The following NCKAP5 variants were observed in gnomAD, a reference collection of about 807,000 sequenced individuals.
NCKAP5 encodes nck-associated protein 5.
NCKAP5 carries 92 observed loss-of-function variants against 167.0 expected under a neutral mutation model. The ratio of observed to expected loss-of-function variants is 0.55; its 90% confidence interval spans 0.47 to 0.66. The LOEUF (loss-of-function observed/expected upper bound fraction) is 0.66. Among genes scored for constraint, NCKAP5 ranks in the 30% least tolerant of loss-of-function variants. The probability of loss-of-function intolerance (pLI) is 0.00; values close to 1 mark genes in which losing one functional copy is unlikely to be tolerated. For missense variants in NCKAP5, 2,378 were observed against 2,315.0 expected (o/e 1.03, Z -0.56); for synonymous variants, 891 against 877.4 (o/e 1.02, Z -0.27).
At chr2:133,255,545 A>G (rs2088574358) in intron 4 of NCKAP5, among the ~76,000 whole-genome samples, 1 of 152,162 alleles carries the variant, frequency 6.6e-6, no homozygotes, top group African/African-American at 2.4e-5. Flanking sequence ...CAGTCCTGAC[A>G]CAGACAAACA....
chr2:133,637,476 C>A, the NCKAP5 span, among the ~76,000 whole-genome samples: 184 of 31,692 alleles, frequency 5.8e-3, no homozygotes, highest in East Asian at 8.4e-3. Flanking sequence ...TGGTATTTTC[C>A]AAAAAAAAAA....
intron 5 of NCKAP5, among the ~76,000 whole-genome samples, chr2:133,199,878 A>G (rs547896818): frequency 9.9e-5 from 15 of 152,066 alleles, no homozygotes; most frequent in Admixed American, 3.3e-4. Flanking sequence ...GGAAGGAACT[A>G]CTTACTAATT....
chr2:132,793,620 A>C (rs1324734817), intron 12 of NCKAP5, among the ~76,000 whole-genome samples: 1 of 152,230 alleles, frequency 6.6e-6, no homozygotes, highest in Non-Finnish European at 1.5e-5. Flanking sequence ...TCAGTCTCTT[A>C]TGTGAGTTCC....
Position 133,258,639 on chromosome 2 carries a change from G to T in NCKAP5, c.143+44398C>A, listed in dbSNP as rs185082527. ...GCATGCCTATAGTCGCAGCTACTAG[G>T]GAGGCTGAGGTGGGAGGAATACTTG... is the stretch of plus-strand genomic sequence containing the variant. On this transcript the variant is annotated intron_variant, in intron 4 of 19. Coordinates refer to ENST00000409261, the MANE Select transcript of NCKAP5 (RefSeq NM_207363.3). Among the ~76,000 whole-genome samples the T allele has an allele frequency of 1.8e-3, 272 of 152,128 alleles. 1 individual carries two copies. Among genetic ancestry groups the T allele is most frequent in the African/African-American group, 6.3e-3 (260 of 41,506 alleles).
At chr2:133,051,664 A>C (rs780804470) in intron 6 of NCKAP5, among the ~76,000 whole-genome samples, 2 of 152,192 alleles carry the variant, frequency 1.3e-5, no homozygotes, top group African/African-American at 2.4e-5. Context: ...AAAATAACCA[A>C]TAATTTATTT....
chr2:133,043,577 T>C (rs1198300295), intron 6 of NCKAP5, among the ~76,000 whole-genome samples: 4 of 152,174 alleles, frequency 2.6e-5, no homozygotes, highest in Non-Finnish European at 5.9e-5. Flanking sequence ...AAATTTGTAC[T>C]GGGCCATATT....
chr2:133,219,908 C>A (rs1465780864), intron 4 of NCKAP5, among the ~76,000 whole-genome samples: 1 of 152,046 alleles, frequency 6.6e-6, no homozygotes, highest in African/African-American at 2.4e-5. Flanking sequence ...ATGGCCCTGT[C>A]TTTTTCACAG....
intron 3 of NCKAP5, among the ~76,000 whole-genome samples, chr2:133,499,400 G>C (rs1008975197): frequency 2.6e-5 from 4 of 152,154 alleles, no homozygotes; most frequent in Admixed American, 2.6e-4. Flanking sequence ...GCACAAACTA[G>C]ATGGAACATC....
At chr2:132,800,955 G>C (rs1040929275) in intron 11 of NCKAP5, among the ~76,000 whole-genome samples, 3 of 152,152 alleles carry the variant, frequency 2.0e-5, no homozygotes, top group Non-Finnish European at 2.9e-5. Flanking sequence ...TCTTCTTTCT[G>C]GGGGCACGGC....
In NCKAP5 at chr2:132,781,143, G is replaced by C. The variant is rs755251303; in HGVS notation, c.4958C>G (p.Ser1653Cys). The change falls in exon 15 of 20, where the codon TCC (serine) becomes TGC (cysteine). Residue 1653 changes from serine (S) to cysteine (C), a missense_variant. Physicochemically the swap from Ser to Cys is moderately radical, Grantham distance 112 (BLOSUM62 -1). Transcript: ENST00000409261. ...RNVLKGSSQG[S>C]CLIGSSISTQ... The stretch of plus-strand genomic sequence containing the variant: ...ACTGATAGAGCTGCCGATGAGACAG[G>C]AGCCCTGAGAACTGCCCTTTAACAC... 6.2e-7 allele frequency: 1 copy of C among 1,613,884 alleles called. No homozygotes were observed. Among genetic ancestry groups the C allele is most frequent in the South Asian group, 1.1e-5 (1 of 91,062 alleles).
chr2:133,178,918 C>T lies in NCKAP5; in HGVS notation c.207+34798G>A, dbSNP rs189404811. On this transcript the variant is annotated intron_variant, in intron 5 of 19. Transcript: ENST00000409261. The stretch of plus-strand genomic sequence containing the variant: ...TGGTAGCTCATTCCTTTAATCCCAA[C>T]ACTTTGAGAGGCTAAGGCAGGTGGA... 4.0e-5 allele frequency among the ~76,000 whole-genome samples: 6 copies of T among 150,346 alleles called. No homozygotes were observed. The East Asian group carries it at 9.8e-4, about 25-fold the overall frequency.
intron 3 of NCKAP5, among the ~76,000 whole-genome samples, chr2:133,490,260 G>T (rs535540869): frequency 1.3e-5 from 2 of 152,306 alleles, no homozygotes; most frequent in East Asian, 3.9e-4. Context: ...CTGGTCCCCA[G>T]CCAGGCCAAG....
chr2:133,524,499 G>A (rs72990486), intron 2 of NCKAP5, among the ~76,000 whole-genome samples: 15,714 of 152,082 alleles, frequency 0.1, 1,357 homozygotes, highest in African/African-American at 0.24. Context: ...GTTAATGTAC[G>A]TATATCATAA....
chr2:133,033,664 T>C (rs1006295029), intron 6 of NCKAP5, among the ~76,000 whole-genome samples: 7 of 151,942 alleles, frequency 4.6e-5, no homozygotes, highest in Admixed American at 3.3e-4. Flanking sequence ...AGCAAAGAGA[T>C]TGAAATAATT....
chr2:132,688,316 AC>A (rs1334949392), intron 19 of NCKAP5, among the ~76,000 whole-genome samples: 1 of 152,236 alleles, frequency 6.6e-6, no homozygotes, highest in Non-Finnish European at 1.5e-5. Context: ...TTTAGAATTT[AC>A]ATATTTATTA....
At chr2:133,135,355 G>C (rs967759195) in intron 5 of NCKAP5, among the ~76,000 whole-genome samples, 1 of 148,596 alleles carries the variant, frequency 6.7e-6, no homozygotes, top group African/African-American at 2.5e-5. Flanking sequence ...GCCCAGTGTG[G>C]CTGGAAGCTG....
the NCKAP5 span, among the ~76,000 whole-genome samples, chr2:133,616,889 T>G: frequency 9.2e-5 from 14 of 152,330 alleles, no homozygotes; most frequent in African/African-American, 3.1e-4. Context: ...TGAACCTTGA[T>G]GTGAAAATCC....
intron 4 of NCKAP5, among the ~76,000 whole-genome samples, chr2:133,272,219 CA>C (rs2089545368): frequency 6.7e-6 from 1 of 148,686 alleles, no homozygotes; most frequent in African/African-American, 2.5e-5. Flanking sequence ...TCAAAGTACC[CA>C]AACAAAACAG....
intron 19 of NCKAP5, among the ~76,000 whole-genome samples, chr2:132,724,058 T>C (rs1355433790): frequency 6.6e-6 from 1 of 152,176 alleles, no homozygotes; most frequent in Admixed American, 6.5e-5. Context: ...CAGAGCTTGC[T>C]CTGCCTCAAG....
Sources: gnomAD v4.1 joint callset for allele counts (sites outside exome capture counted in the v4.1 genomes callset) on GRCh38, gnomAD v4.1.1 for gene constraint, MANE v1.5 for transcripts, NCBI Gene and HGNC (gene_info 2026-07-23, HGNC 2026-07-21) for gene names.